Variants in AOPEP observed in about 807,000 individuals in gnomAD.
AOPEP encodes aminopeptidase O (putative).
Under a neutral mutation model 98.1 loss-of-function variants are expected in AOPEP, and 77 were observed. That is an observed-to-expected ratio of 0.78 (90% CI 0.65 to 0.95). The LOEUF (loss-of-function observed/expected upper bound fraction) is 0.95, where lower values mean the gene tolerates loss of function less well. Ranked by LOEUF, AOPEP falls within the 40% of genes least tolerant of loss-of-function variation. AOPEP has a pLI of 0.00. For missense variants in AOPEP, 1,024 were observed against 1,024.7 expected (o/e 1.00, Z 0.01); for synonymous variants, 346 against 365.3 (o/e 0.95, Z 0.60).
chr9:94,817,759 G>A (rs1251266524), intron 5 of AOPEP, among the ~76,000 whole-genome samples: 2 of 152,186 alleles, frequency 1.3e-5, no homozygotes, highest in Non-Finnish European at 2.9e-5. Context: ...TTGGCATTCC[G>A]GAGGGCAGTA....
rs553460615 is a variant in AOPEP, at chr9:94,789,458, A to AT, written c.965-3297dup. On this transcript the variant is annotated intron_variant, in intron 3 of 16. Coordinates refer to ENST00000375315, the MANE Select transcript of AOPEP (RefSeq NM_001193329.3). ...ATTAAGAAAATGTGTTTTTTTTAGG[A>AT]TTTTTTTTTTAAACCAGAGGCTTTC... Among the ~76,000 whole-genome samples the AT allele has an allele frequency of 3.1e-3, 463 of 150,532 alleles. 1 individual carries two copies. Among genetic ancestry groups the AT allele is most frequent in the Non-Finnish European group, 5.1e-3 (344 of 67,476 alleles).
intron 13 of AOPEP, among the ~76,000 whole-genome samples, chr9:95,027,964 A>G (rs2063976532): frequency 6.6e-6 from 1 of 152,220 alleles, no homozygotes. Context: ...GGTGAAGTTC[A>G]GGACCACCCT....
intron 14 of AOPEP, among the ~76,000 whole-genome samples, chr9:95,073,258 G>C (rs962774913): frequency 6.6e-6 from 1 of 152,126 alleles, no homozygotes; most frequent in Non-Finnish European, 1.5e-5. Context: ...GCATGTTGAC[G>C]CTCTTCTAAC....
chr9:95,139,834 TTA>T, the AOPEP span, among the ~76,000 whole-genome samples: 284 of 143,112 alleles, frequency 2.0e-3, 3 homozygotes, highest in East Asian at 0.015. Flanking sequence ...ATATATATAT[TTA>T]TATATATATA....
At chr9:95,145,376 A>C in the AOPEP span, 57,940 of 152,078 alleles carry the variant, frequency 0.38, 11,733 homozygotes, top group East Asian at 0.58. Context: ...CCTTCAGATC[A>C]CAAAAGCTTA....
At position 94,792,863 on chromosome 9, in the gene AOPEP, T is replaced by A. The variant is rs541335027; in HGVS notation, c.1063T>A (p.Ser355Thr). The A allele has an allele frequency of 6.2e-7, 1 of 1,613,348 alleles. No homozygotes were observed. The highest frequency in any genetic ancestry group is 1.3e-5 in the African/African-American group (1 of 74,802). The change falls in exon 4 of 17, where the codon TCA becomes ACA. Residue 355 changes from serine to threonine, a missense_variant. Around this residue, in one of 3 missense-constraint regions of AOPEP, gnomAD observed 440 missense variants for 433.8 expected, o/e 1.01. Transcript: ENST00000375315. ...GACAGAAATGAAGATGGAGACATGG[T>A]CATCAAATGATTTGGCAACAGAGAG... ...CWTEMKMETW[S>T]SNDLATERPF...
chr9:94,776,431 A>G (rs996394570), intron 3 of AOPEP, among the ~76,000 whole-genome samples: 3 of 152,128 alleles, frequency 2.0e-5, no homozygotes, highest in African/African-American at 7.2e-5. Flanking sequence ...CCTCCCGAGT[A>G]GCTGGGACTA....
chr9:95,057,204 C>T (rs568829912), intron 13 of AOPEP, among the ~76,000 whole-genome samples: 30 of 152,292 alleles, frequency 2.0e-4, no homozygotes, highest in African/African-American at 5.8e-4. Context: ...CTCTGTGGTA[C>T]GACCAAAGCC....
At chr9:95,026,067 T>C (rs1403073546) in intron 13 of AOPEP, among the ~76,000 whole-genome samples, 1 of 152,248 alleles carries the variant, frequency 6.6e-6, no homozygotes, top group East Asian at 1.9e-4. Flanking sequence ...TTCTGCATTC[T>C]CATAATGCTA....
At chr9:94,749,484 A>T (rs1007110555) in intron 1 of AOPEP, among the ~76,000 whole-genome samples, 1 of 151,894 alleles carries the variant, frequency 6.6e-6, no homozygotes, top group Admixed American at 6.6e-5. Flanking sequence ...TTTTTAAAGT[A>T]TTTTTTTTGT....
the AOPEP span, among the ~76,000 whole-genome samples, chr9:95,094,752 GCCT>G: frequency 6.6e-6 from 1 of 152,166 alleles, no homozygotes; most frequent in Admixed American, 6.5e-5. Flanking sequence ...TGCAGCCTCT[GCCT>G]CCTGGGTTCA....
At chr9:94,948,468 T>G (rs2057851239) in intron 7 of AOPEP, among the ~76,000 whole-genome samples, 1 of 150,870 alleles carries the variant, frequency 6.6e-6, no homozygotes, top group Admixed American at 6.6e-5. Context: ...GCTCACAAAC[T>G]GTTCAATAAC....
At chr9:94,743,535 C>G (rs1833749059) in intron 1 of AOPEP, among the ~76,000 whole-genome samples, 1 of 152,214 alleles carries the variant, frequency 6.6e-6, no homozygotes, top group African/African-American at 2.4e-5. Flanking sequence ...TAAACAAAAG[C>G]AACAACTAGA....
At position 94,787,500 on chromosome 9, in the gene AOPEP, A is replaced by G. The variant is rs77399153; in HGVS notation, c.965-5265A>G. On this transcript the variant is annotated intron_variant, in intron 3 of 16. Coordinates refer to ENST00000375315, the MANE Select transcript of AOPEP (RefSeq NM_001193329.3). ...TACGTGGATGGTACAAGAACCAGAC[A>G]GGCAGCAAGAAAATCAGGTCAAAAA... is the stretch of plus-strand genomic sequence containing the variant. Among the ~76,000 whole-genome samples the G allele has an allele frequency of 2.0e-5, 3 of 152,240 alleles. No individual in the cohort carries two copies. In the East Asian group the frequency reaches 5.8e-4, roughly 29 times the overall value.
the AOPEP span, chr9:95,111,746 C>T: frequency 8.1e-7 from 1 of 1,229,078 alleles, no homozygotes; most frequent in Non-Finnish European, 1.2e-6. Context: ...TGTACTTATC[C>T]ACTGAAGTGC....
intron 13 of AOPEP, chr9:95,019,896 T>C (rs557827174): frequency 7.9e-4 from 120 of 152,316 alleles, no homozygotes; most frequent in African/African-American, 2.8e-3. Context: ...AGTAGAATGT[T>C]ATGAAAGCTA....
chr9:94,882,209 G>A (rs1298494520), intron 5 of AOPEP, among the ~76,000 whole-genome samples: 1 of 152,156 alleles, frequency 6.6e-6, no homozygotes, highest in Non-Finnish European at 1.5e-5. Flanking sequence ...TTGACTAGAA[G>A]ATTAGTGGAG....
At chr9:95,044,762 G>A (rs1355633887) in intron 13 of AOPEP, among the ~76,000 whole-genome samples, 2 of 152,168 alleles carry the variant, frequency 1.3e-5, no homozygotes, top group African/African-American at 4.8e-5. Context: ...AGAGAGAAGT[G>A]CAGGGTGGGA....
At chr9:95,069,620 T>C (rs924403315) in intron 14 of AOPEP, among the ~76,000 whole-genome samples, 58 of 152,166 alleles carry the variant, frequency 3.8e-4, no homozygotes, top group Non-Finnish European at 1.2e-4. Flanking sequence ...GCATTCCAGG[T>C]TTTCAAAAGT....
Sources: allele counts gnomAD v4.1 joint callset (sites outside exome capture counted in the v4.1 genomes callset), GRCh38; gene constraint gnomAD v4.1.1; regional missense constraint gnomAD v4.1.1; transcripts MANE v1.5; gene names NCBI Gene and HGNC (gene_info 2026-07-23, HGNC 2026-07-21).